USP6: variants seen among roughly 807,000 people sequenced by gnomAD.
USP6 encodes ubiquitin specific peptidase 6.
A neutral mutation model predicts 175.7 loss-of-function variants in USP6; 128 were observed. That is an observed-to-expected ratio of 0.73 (90% confidence interval 0.63 to 0.84). The LOEUF (loss-of-function observed/expected upper bound fraction) is 0.84, where lower values mean the gene tolerates loss of function less well. Ranked by LOEUF, USP6 falls within the 40% of genes least tolerant of loss-of-function variation. The probability of loss-of-function intolerance (pLI) is 0.00; values close to 1 mark genes in which losing one functional copy is unlikely to be tolerated. For missense variants in USP6, 1,498 were observed against 1,760.3 expected, an observed-to-expected ratio of 0.85 and a Z score of 2.67; for synonymous variants, 562 against 630.6, an observed-to-expected ratio of 0.89 and a Z score of 1.63.
chr17:5,130,243 C>T (rs576077268), intron 9 of USP6, 124 bp from the exon 10 acceptor site: 64 of 892,418 alleles, frequency 7.2e-5, no homozygotes, highest in African/African-American at 5.1e-4. Flanking sequence ...CCCTTTTTAC[C>T]GGAGTGCAGT....
At chr17:5,135,736 T>A in intron 16 of USP6, 72 bp from the exon 17 acceptor site, 1 of 1,596,830 alleles carries the variant, frequency 6.3e-7, no homozygotes, top group Admixed American at 1.7e-5. Context: ...CCCTCTCCAA[T>A]GACATGAGTC....
At chr17:5,117,515 CAAA>C (rs59282298) in intron 1 of USP6, among the ~76,000 whole-genome samples, 7 of 61,982 alleles carry the variant, frequency 1.1e-4, no homozygotes, top group Admixed American at 3.5e-4. Context: ...GACTCCGTCT[CAAA>C]AAAAAAAAAA....
chr17:5,152,268 A>C (rs1053875982), intron 30 of USP6, among the ~76,000 whole-genome samples: 2 of 151,760 alleles, frequency 1.3e-5, no homozygotes, highest in Non-Finnish European at 2.9e-5. Flanking sequence ...GTGATCAATG[A>C]CACTAGTAAT....
At chr17:5,157,503 A>C (rs1174205148) in intron 31 of USP6, among the ~76,000 whole-genome samples, 1 of 152,230 alleles carries the variant, frequency 6.6e-6, no homozygotes, top group African/African-American at 2.4e-5. Flanking sequence ...GTAAAGATGA[A>C]AGTTGGACAA....
chr17:5,153,201 G>C (rs1598065507), intron 30 of USP6, among the ~76,000 whole-genome samples: 1 of 152,190 alleles, frequency 6.6e-6, no homozygotes, highest in Non-Finnish European at 1.5e-5. Context: ...GAAGCAAATG[G>C]GAGGCTTTTG....
Position 5,170,928 on chromosome 17 carries a change from T to G in USP6, c.3954+13T>G. On this transcript the variant is annotated intron_variant, in intron 36 of 37. Coordinates refer to ENST00000574788, the MANE Select transcript of USP6 (RefSeq NM_001304284.2). The stretch of plus-strand genomic sequence containing the variant: ...ATATGCAATTTCAGTAAGTGGTTTA[T>G]TATACGGTTTTCAGAGAGTGGTCTG... The G allele has an allele frequency of 6.2e-7, 1 of 1,607,740 alleles. No homozygotes were observed. The highest frequency in any genetic ancestry group is 8.5e-7 in the Non-Finnish European group (1 of 1,176,298).
rs758585752 is a variant in USP6, at chr17:5,144,857, T to C, written c.1986T>C (p.Ala662=). ...ATGGCCGACCAGACTGGGAAGTAGC[T>C]GCAGAGGTTTGTCAGTTTTGAGTTT... ...DSDGRPDWEV[A]AEAWDNHLRR... is the part of the protein sequence containing the mutation. The change falls in exon 26 of 38, where the codon GCT becomes GCC. Residue 662 remains alanine, a synonymous_variant. Transcript: ENST00000574788. 2.5e-6 allele frequency: 4 copies of C among 1,593,914 alleles called. No individual in the cohort carries two copies. The highest frequency in any genetic ancestry group is 1.1e-5 in the South Asian group (1 of 89,128).
intron 36 of USP6, 93 bp from the exon 37 acceptor site, chr17:5,171,494 A>T (rs1284580085): frequency 2.6e-6 from 3 of 1,174,418 alleles, no homozygotes; most frequent in Non-Finnish European, 1.2e-6. Flanking sequence ...GATCATTTAC[A>T]TGATCAGTGT....
At chr17:5,120,152 G>A (rs1401462680) in intron 2 of USP6, among the ~76,000 whole-genome samples, 3 of 152,132 alleles carry the variant, frequency 2.0e-5, no homozygotes, top group Non-Finnish European at 2.9e-5. Context: ...GTTTCCCCCT[G>A]GCTTTGAGGC....
At chr17:5,163,879 C>T (rs1016111228) in intron 33 of USP6, among the ~76,000 whole-genome samples, 5 of 152,122 alleles carry the variant, frequency 3.3e-5, no homozygotes, top group African/African-American at 9.7e-5. Flanking sequence ...TCTCAATGGC[C>T]GCTCTTCACA....
chr17:5,171,537 C>CCATA, intron 36 of USP6, 50 bp from the exon 37 acceptor site: 1 of 1,572,124 alleles, frequency 6.4e-7, no homozygotes, highest in East Asian at 2.2e-5. Flanking sequence ...TATACCCTGG[C>CCATA]CATAGTACAG....
At chr17:5,130,302 A>C in intron 9 of USP6, 65 bp from the exon 10 acceptor site, 6 of 1,535,356 alleles carry the variant, frequency 3.9e-6, no homozygotes, top group Non-Finnish European at 5.4e-6. Context: ...GCCCGGTGGG[A>C]GCGGTTCAGG....
chr17:5,172,972 A>T lies in USP6; in HGVS notation c.4215A>T (p.Leu1405Phe), dbSNP rs2074260692. The part of the protein sequence containing the change: ...SESDYEKYSM[L>F]Q ...CTGATTACGAAAAGTACTCTATGTTACAGTAAAGCTACCACTCTGGCTGCT... is the reference window on the plus strand; with the variant it reads ...CTGATTACGAAAAGTACTCTATGTTTCAGTAAAGCTACCACTCTGGCTGCT... The change falls in exon 38 of 38, where the codon TTA (leucine) becomes TTT (phenylalanine). Residue 1405 changes from leucine (L) to phenylalanine (F), a missense_variant. By Grantham distance (22) the Leu-to-Phe change is conservative. Transcript: ENST00000574788. 2.5e-6 allele frequency: 4 copies of T among 1,613,834 alleles called. No homozygotes were observed. The highest frequency in any genetic ancestry group is 3.4e-6 in the Non-Finnish European group (4 of 1,179,724).
intron 37 of USP6, among the ~76,000 whole-genome samples, chr17:5,172,307 G>A (rs1303405697): frequency 2.0e-5 from 3 of 152,012 alleles, no homozygotes; most frequent in Non-Finnish European, 2.9e-5. Context: ...CAAGGTGGGC[G>A]GATCATGAGG....
chr17:5,122,660 C>G (rs1473120274), intron 4 of USP6, among the ~76,000 whole-genome samples: 1 of 152,208 alleles, frequency 6.6e-6, no homozygotes, highest in East Asian at 1.9e-4. Context: ...CCCCTGGACA[C>G]AGCTCCGCCC....
chr17:5,162,769 A>G, intron 32 of USP6, 115 bp from the exon 33 acceptor site: 2 of 1,450,266 alleles, frequency 1.4e-6, no homozygotes, highest in Non-Finnish European at 1.8e-6. Context: ...CCCATGACAA[A>G]TTGTGAGGCC....
In USP6 at chr17:5,116,593, CT is replaced by C. The variant is rs1268636885; in HGVS notation, c.-2074del. The C allele has an allele frequency of 6.6e-6, 1 of 152,362 alleles. No individual in the cohort carries two copies. Among genetic ancestry groups the C allele is most frequent in the African/African-American group, 2.4e-5 (1 of 41,456 alleles). The allele number at this position is 152,362 out of a possible 1,614,324, so 9.4% of individuals were successfully genotyped here. ...ACGATGGCCGTGGCCCGTGGAGGCA[CT>C]AGACCCTCACCAGGGGTCTGTCAGG... On this transcript the variant is annotated 5_prime_UTR_variant, in exon 1 of 38. An upstream open reading frame in the 5' UTR loses its in-frame stop. Transcript: ENST00000574788.
In USP6 at chr17:5,171,708, T is replaced by C. The variant is rs1179280112; in HGVS notation, c.4047+29T>C. 6 of 1,606,286 alleles carry C rather than the reference T, an allele frequency of 3.7e-6. No homozygotes were observed. In the Admixed American group the frequency reaches 8.4e-5, roughly 22 times the overall value. On this transcript the variant is annotated intron_variant, in intron 37 of 37. Transcript: ENST00000574788. ...AACATTCTCAATCTTTGAATGAAAGTTAGAATATCAACAGAACTGGGGAAC... is the reference window on the plus strand; with the variant it reads ...AACATTCTCAATCTTTGAATGAAAGCTAGAATATCAACAGAACTGGGGAAC...
At chr17:5,170,188 AT>A (rs1165463028) in intron 35 of USP6, among the ~76,000 whole-genome samples, 2 of 152,282 alleles carry the variant, frequency 1.3e-5, no homozygotes, top group East Asian at 3.9e-4. Context: ...TAATAGTTGG[AT>A]TTTTTTCAAC....
Sources: allele counts gnomAD v4.1 joint callset (sites outside exome capture counted in the v4.1 genomes callset), GRCh38; gene constraint gnomAD v4.1.1; transcripts MANE v1.5; gene names NCBI Gene and HGNC (gene_info 2026-07-23, HGNC 2026-07-21).